The following TUNAR variants were observed in gnomAD, a reference collection of about 807,000 sequenced individuals.
TUNAR encodes the protein transmembrane neural differentiation associated intracellular calcium regulator.
chr14:95,905,756 AATTATTACTGTGGT>A (rs1889419782), intron 2 of TUNAR, among the ~76,000 whole-genome samples: 1 of 152,116 alleles, frequency 6.6e-6, no homozygotes, highest in Admixed American at 6.5e-5. Flanking sequence ...TGTCCACAAT[AATTATTACTGTGGT>A]GATTGCCTAC....
At chr14:95,902,974 G>A (rs980367202) in intron 2 of TUNAR, among the ~76,000 whole-genome samples, 1 of 152,182 alleles carries the variant, frequency 6.6e-6, no homozygotes, top group African/African-American at 2.4e-5. Flanking sequence ...GCCATAAAAT[G>A]TAGGAGTGGA....
intron 2 of TUNAR, among the ~76,000 whole-genome samples, chr14:95,893,677 G>A (rs1678637512): frequency 6.6e-6 from 1 of 152,048 alleles, no homozygotes; most frequent in Admixed American, 6.5e-5. Flanking sequence ...TTTTGCTCAA[G>A]TGCTGGAGTT....
chr14:95,920,722 G>A (rs533266388), intron 2 of TUNAR, among the ~76,000 whole-genome samples: 6 of 152,288 alleles, frequency 3.9e-5, no homozygotes, highest in East Asian at 1.9e-4. Flanking sequence ...GTGCACAGGG[G>A]GAGGGCATGC....
intron 2 of TUNAR, among the ~76,000 whole-genome samples, chr14:95,880,739 T>C (rs1483196623): frequency 6.6e-6 from 1 of 152,208 alleles, no homozygotes; most frequent in South Asian, 2.1e-4. Flanking sequence ...AGTGGTATTT[T>C]TTGCCAGGTT....
chr14:95,877,451 T>C (rs1295210036), intron 2 of TUNAR, among the ~76,000 whole-genome samples: 1 of 152,198 alleles, frequency 6.6e-6, no homozygotes, highest in Non-Finnish European at 1.5e-5. Context: ...TGTATGCAGC[T>C]AGGTTCAGAC....
chr14:95,888,807 T>TA (rs561408644), intron 2 of TUNAR, among the ~76,000 whole-genome samples: 1 of 150,454 alleles, frequency 6.6e-6, no homozygotes, highest in Non-Finnish European at 1.5e-5. Flanking sequence ...TTCGAGGGGA[T>TA]GGGGGGGGCA....
chr14:95,901,861 A>G (rs1889359363), intron 2 of TUNAR, among the ~76,000 whole-genome samples: 2 of 152,208 alleles, frequency 1.3e-5, no homozygotes. Context: ...GGGGACCTTT[A>G]TAGACAGGGT....
chr14:95,884,565 C>T (rs997985788), intron 2 of TUNAR, among the ~76,000 whole-genome samples: 4 of 152,242 alleles, frequency 2.6e-5, no homozygotes, highest in Admixed American at 6.5e-5. Context: ...TTAGAAGCAG[C>T]TCTTTAAGTC....
intron 2 of TUNAR, among the ~76,000 whole-genome samples, chr14:95,894,411 G>A (rs1889226236): frequency 6.6e-6 from 1 of 152,134 alleles, no homozygotes; most frequent in Admixed American, 6.5e-5. Flanking sequence ...GTGGCTTTTG[G>A]GTCCCCGTTC....
At chr14:95,915,049 G>C (rs992675361) in intron 2 of TUNAR, among the ~76,000 whole-genome samples, 17 of 152,204 alleles carry the variant, frequency 1.1e-4, no homozygotes, top group African/African-American at 3.6e-4. Flanking sequence ...TGACTGAGCT[G>C]TCGGCAGGTA....
chr14:95,896,593 C>T (rs758391647), intron 2 of TUNAR, among the ~76,000 whole-genome samples: 18 of 152,124 alleles, frequency 1.2e-4, no homozygotes, highest in Non-Finnish European at 1.9e-4. Context: ...TTTTTCTTTT[C>T]GCAAAAGTGG....
chr14:95,885,875 G>A (rs183634335), intron 2 of TUNAR, among the ~76,000 whole-genome samples: 3 of 152,122 alleles, frequency 2.0e-5, no homozygotes, highest in African/African-American at 7.2e-5. Flanking sequence ...GGTTGTCCCG[G>A]GTGTAACCTC....
chr14:95,889,996 C>A (rs929447736), intron 2 of TUNAR, among the ~76,000 whole-genome samples: 1 of 148,614 alleles, frequency 6.7e-6, no homozygotes, highest in East Asian at 2.0e-4. Flanking sequence ...TGATTCTAAG[C>A]AATGGGAGAT....
At chr14:95,902,050 G>A (rs1889362696) in intron 2 of TUNAR, among the ~76,000 whole-genome samples, 1 of 152,128 alleles carries the variant, frequency 6.6e-6, no homozygotes, top group African/African-American at 2.4e-5. Context: ...TAGTTGTGAT[G>A]GGATTGACAG....
At chr14:95,886,755 C>T (rs1194756319) in intron 2 of TUNAR, among the ~76,000 whole-genome samples, 3 of 152,208 alleles carry the variant, frequency 2.0e-5, no homozygotes, top group Non-Finnish European at 2.9e-5. Flanking sequence ...ACTCTGGAGT[C>T]GGTCATGATC....
chr14:95,878,553 C>CTA (rs34008690), intron 2 of TUNAR, among the ~76,000 whole-genome samples: 25,328 of 152,094 alleles, frequency 0.17, 2,231 homozygotes, highest in African/African-American at 0.23. Context: ...CTAAATGATT[C>CTA]TGAGTGACAA....
intron 2 of TUNAR, among the ~76,000 whole-genome samples, chr14:95,909,704 C>T (rs759946550): frequency 2.0e-5 from 3 of 152,336 alleles, no homozygotes; most frequent in East Asian, 1.9e-4. Flanking sequence ...CTGAACACTG[C>T]GGCTGCCCCA....
At chr14:95,890,005 A>AT (rs1225566064) in intron 2 of TUNAR, among the ~76,000 whole-genome samples, 17 of 149,822 alleles carry the variant, frequency 1.1e-4, no homozygotes, top group Admixed American at 4.0e-4. Context: ...GCAATGGGAG[A>AT]TTTTTTTCCC....
chr14:95,886,354 G>A (rs1241233934), intron 2 of TUNAR, among the ~76,000 whole-genome samples: 1 of 152,254 alleles, frequency 6.6e-6, no homozygotes, highest in Non-Finnish European at 1.5e-5. Flanking sequence ...GAGCTGGCTG[G>A]ACAAAGGGAA....
Sources: allele counts gnomAD v4.1 joint callset (sites outside exome capture counted in the v4.1 genomes callset), GRCh38; gene constraint gnomAD v4.1.1; transcripts MANE v1.5; gene names NCBI Gene and HGNC (gene_info 2026-07-23, HGNC 2026-07-21).